The following CDC27 variants were observed in gnomAD, a reference collection of about 807,000 sequenced individuals.
CDC27 encodes cell division cycle protein 27 homolog.
In CDC27, 27 loss-of-function variants were observed where a neutral mutation model predicts 109.7. The observed-to-expected ratio is 0.25, with a 90% CI of 0.18 to 0.34. The LOEUF (loss-of-function observed/expected upper bound fraction) is 0.34, where lower values mean the gene tolerates loss of function less well. CDC27 is among the 10% of genes least tolerant of loss of function. CDC27 has a pLI of 1.00. For synonymous variants in CDC27, 266 were observed against 333.9 expected, an observed-to-expected ratio of 0.80 and a Z score of 2.22; for missense variants, 579 against 960.2, an observed-to-expected ratio of 0.60 and a Z score of 5.25.
intron 1 of CDC27, chr17:47,188,789 T>C: frequency 1.7e-6 from 2 of 1,156,046 alleles, no homozygotes; most frequent in Non-Finnish European, 2.1e-6. Flanking sequence ...TGCTTCTCGA[T>C]CATCTTTTAG....
At chr17:47,158,414 T>G (rs1421235823) in intron 4 of CDC27, 111 bp from the exon 5 acceptor site, 1 of 434,002 alleles carries the variant, frequency 2.3e-6, no homozygotes, top group Non-Finnish European at 4.0e-6. Context: ...GAGCACTCTT[T>G]GTGATGCTTC....
At chr17:47,140,685 T>G (rs1029314030) in intron 12 of CDC27, among the ~76,000 whole-genome samples, 2 of 152,226 alleles carry the variant, frequency 1.3e-5, no homozygotes, top group African/African-American at 2.4e-5. Context: ...AAATAATTTT[T>G]TAAATGGCTT....
chr17:47,158,302 T>C lies in CDC27; in HGVS notation c.379A>G (p.Lys127Glu). The C allele has an allele frequency of 1.3e-6, 2 of 1,516,128 alleles. No homozygotes were observed. Among genetic ancestry groups the C allele is most frequent in the Non-Finnish European group, 8.9e-7 (1 of 1,126,740 alleles). 93.9% of individuals were successfully genotyped at this position (1,516,128 alleles called of 1,614,324 possible). A position where few individuals can be genotyped will look rare whatever the true frequency, so the allele number is the denominator to read the frequency against. Residue 127 changes from lysine to glutamate, a missense_variant and splice_region_variant, in exon 5 of 19, where the codon AAG (lysine) becomes GAG (glutamate). By Grantham distance (56) the Lys-to-Glu change is moderately conservative. Around this residue, in one of 9 missense-constraint regions of CDC27, gnomAD observed 52 missense variants for 63.4 expected, o/e 0.82. Coordinates refer to ENST00000066544, the MANE Select transcript of CDC27 (RefSeq NM_001256.6). ...TLSLLGHVYC[K>E]TDRLAKGSEC... is the part of the protein sequence containing the mutation. ...GATCCTTTGGCAAGCCGATCTGTCT[T>C]GCTGTGGAGAGAAACAAGTAGATTA...
intron 9 of CDC27, among the ~76,000 whole-genome samples, chr17:47,149,816 G>A (rs1323885445): frequency 4.6e-5 from 7 of 151,726 alleles, no homozygotes; most frequent in South Asian, 2.1e-4. Flanking sequence ...TTAGCCGGGC[G>A]TGGTGGCACA....
intron 4 of CDC27, among the ~76,000 whole-genome samples, chr17:47,166,665 T>C (rs1024153134): frequency 1.3e-5 from 2 of 152,208 alleles, no homozygotes; most frequent in African/African-American, 4.8e-5. Context: ...TTTTCTAGTT[T>C]CTTACAGTGA....
At chr17:47,153,598 A>G (rs11570495) in intron 8 of CDC27, among the ~76,000 whole-genome samples, 12,040 of 152,266 alleles carry the variant, frequency 0.079, 643 homozygotes, top group South Asian at 0.19. Flanking sequence ...TAAAGAGAGT[A>G]TAACTGTTAT....
intron 4 of CDC27, among the ~76,000 whole-genome samples, chr17:47,160,561 G>T (rs1242559373): frequency 1.3e-5 from 2 of 152,088 alleles, no homozygotes; most frequent in Admixed American, 1.3e-4. Flanking sequence ...AGGATGGAAG[G>T]GGTTAGTGGC....
chr17:47,186,770 T>A (rs2064455238), intron 1 of CDC27, among the ~76,000 whole-genome samples: 1 of 151,890 alleles, frequency 6.6e-6, no homozygotes. Context: ...GAAAAAAAAA[T>A]GCAGAAAACA....
At chr17:47,124,178 A>AACAC (rs59790354) in intron 16 of CDC27, among the ~76,000 whole-genome samples, 7,908 of 144,054 alleles carry the variant, frequency 0.055, 338 homozygotes, top group African/African-American at 0.12. Context: ...GTACACTGAA[A>AACAC]ACACACACAC....
intron 2 of CDC27, among the ~76,000 whole-genome samples, chr17:47,181,082 T>C (rs1209805492): frequency 7.0e-6 from 1 of 142,156 alleles, no homozygotes; most frequent in Non-Finnish European, 1.5e-5. Flanking sequence ...CAAAACCCTA[T>C]CTCTACCAAA....
At chr17:47,151,531 T>C (rs375626715) in intron 9 of CDC27, among the ~76,000 whole-genome samples, 1 of 152,290 alleles carries the variant, frequency 6.6e-6, no homozygotes, top group Non-Finnish European at 1.5e-5. Context: ...ACCTAAACTA[T>C]AGAAAGGGTC....
intron 1 of CDC27, among the ~76,000 whole-genome samples, chr17:47,185,579 T>C (rs2064405623): frequency 6.6e-6 from 1 of 152,190 alleles, no homozygotes; most frequent in African/African-American, 2.4e-5. Context: ...GTTCTTGTTT[T>C]TGTCAAAAAA....
chr17:47,122,633 T>C, intron 17 of CDC27, 33 bp from the exon 18 acceptor site: 2 of 1,513,494 alleles, frequency 1.3e-6, no homozygotes, highest in Non-Finnish European at 1.8e-6. Context: ...CATTTTTCAT[T>C]AAGTTGTGAG....
intron 9 of CDC27, among the ~76,000 whole-genome samples, chr17:47,149,912 A>G (rs1341065125): frequency 6.6e-6 from 1 of 152,258 alleles, no homozygotes; most frequent in African/African-American, 2.4e-5. Context: ...CCGAGATTGC[A>G]CCATTGCACT....
At chr17:47,170,782 C>T (rs2063789655) in intron 3 of CDC27, among the ~76,000 whole-genome samples, 1 of 152,112 alleles carries the variant, frequency 6.6e-6, no homozygotes, top group African/African-American at 2.4e-5. Context: ...GCAAATTAAA[C>T]AAGACTAACA....
chr17:47,164,739 C>A (rs2063594289), intron 4 of CDC27, among the ~76,000 whole-genome samples: 1 of 152,132 alleles, frequency 6.6e-6, no homozygotes, highest in Admixed American at 6.6e-5. Flanking sequence ...ACTGCTTGAA[C>A]CTGGGAGGTG....
chr17:47,175,213 C>A (rs1269970691), intron 2 of CDC27, among the ~76,000 whole-genome samples: 1 of 152,154 alleles, frequency 6.6e-6, no homozygotes, highest in Non-Finnish European at 1.5e-5. Context: ...ACCTTGCATC[C>A]TCCAGATACA....
At chr17:47,141,509 C>T (rs2062792295) in intron 12 of CDC27, among the ~76,000 whole-genome samples, 1 of 152,080 alleles carries the variant, frequency 6.6e-6, no homozygotes, top group African/African-American at 2.4e-5. Flanking sequence ...AAATTCACCC[C>T]AGTAATTAAC....
intron 2 of CDC27, among the ~76,000 whole-genome samples, chr17:47,177,515 C>T (rs554496904): frequency 3.9e-5 from 6 of 152,254 alleles, no homozygotes; most frequent in South Asian, 2.1e-4. Flanking sequence ...AGGCAGTCAG[C>T]CGAGATTGGG....
Sources: gnomAD v4.1 joint callset for allele counts (sites outside exome capture counted in the v4.1 genomes callset) on GRCh38, gnomAD v4.1.1 for gene constraint, gnomAD v4.1.1 regional missense constraint, MANE v1.5 for transcripts, NCBI Gene and HGNC (gene_info 2026-07-23, HGNC 2026-07-21) for gene names.